CSGALNACT1: variants seen among roughly 807,000 people sequenced by gnomAD.
The protein encoded by CSGALNACT1 is chondroitin sulfate N-acetylgalactosaminyltransferase 1, also known as beta4GalNAcT-1.
Under a neutral mutation model 51.0 loss-of-function variants are expected in CSGALNACT1, and 52 were observed. That is an observed-to-expected ratio of 1.02 (90% confidence interval 0.82 to 1.29). CSGALNACT1 has a LOEUF of 1.29. Among genes scored for constraint, CSGALNACT1 ranks in the 50% most tolerant of loss-of-function variants. The pLI is 0.00. For missense variants in CSGALNACT1, 935 were observed against 679.2 expected, an observed-to-expected ratio of 1.38 and a Z score of -4.19; for synonymous variants, 341 against 254.4, an observed-to-expected ratio of 1.34 and a Z score of -3.24.
chr8:19,561,955 T>G (rs568928907), intron 3 of CSGALNACT1, among the ~76,000 whole-genome samples: 23 of 152,276 alleles, frequency 1.5e-4, no homozygotes, highest in African/African-American at 5.5e-4. Flanking sequence ...TTTCTCACCC[T>G]TGAACCTCTA....
At chr8:19,581,555 C>T (rs1256305377) in intron 3 of CSGALNACT1, among the ~76,000 whole-genome samples, 2 of 152,026 alleles carry the variant, frequency 1.3e-5, no homozygotes, top group Non-Finnish European at 2.9e-5. Context: ...TGCAGTGAGC[C>T]GAGATCGTGC....
chr8:19,481,911 T>C (rs1041829025), intron 4 of CSGALNACT1, among the ~76,000 whole-genome samples: 1 of 152,184 alleles, frequency 6.6e-6, no homozygotes, highest in African/African-American at 2.4e-5. Context: ...TACTTAGAAG[T>C]ACTCAAAATA....
At chr8:19,486,342 C>A (rs2072930862) in intron 4 of CSGALNACT1, among the ~76,000 whole-genome samples, 1 of 152,086 alleles carries the variant, frequency 6.6e-6, no homozygotes. Context: ...TTCTGCCCTA[C>A]CTCCCCAAGT....
At chr8:19,614,233 T>C (rs916587980) in intron 1 of CSGALNACT1, among the ~76,000 whole-genome samples, 1 of 152,234 alleles carries the variant, frequency 6.6e-6, no homozygotes, top group African/African-American at 2.4e-5. Context: ...AAAGTCATTA[T>C]TACAAATCTT....
At chr8:19,700,771 A>G (rs2061822245) in intron 1 of CSGALNACT1, among the ~76,000 whole-genome samples, 1 of 152,248 alleles carries the variant, frequency 6.6e-6, no homozygotes, top group South Asian at 2.1e-4. Context: ...AAAGGCAATC[A>G]ACCTCTATAA....
intron 3 of CSGALNACT1, among the ~76,000 whole-genome samples, chr8:19,546,593 C>G (rs537399459): frequency 6.6e-6 from 1 of 152,228 alleles, no homozygotes; most frequent in Non-Finnish European, 1.5e-5. Context: ...GGAATACCAT[C>G]TGATGCTGCA....
At chr8:19,748,373 C>T (rs1475883398) in intron 1 of CSGALNACT1, among the ~76,000 whole-genome samples, 3 of 152,032 alleles carry the variant, frequency 2.0e-5, no homozygotes, top group South Asian at 2.1e-4. Flanking sequence ...AGTAGGTATT[C>T]AAGATATATT....
At chr8:19,718,972 A>C (rs2062964903) in intron 1 of CSGALNACT1, among the ~76,000 whole-genome samples, 1 of 152,236 alleles carries the variant, frequency 6.6e-6, no homozygotes, top group African/African-American at 2.4e-5. Flanking sequence ...TAAAGAGTTA[A>C]GCTTCCCTTA....
chr8:19,428,763 G>A (rs73212530), intron 6 of CSGALNACT1, among the ~76,000 whole-genome samples: 1,759 of 152,014 alleles, frequency 0.012, 23 homozygotes, highest in Non-Finnish European at 0.015. Context: ...TGGCTCTGCA[G>A]AGGACACAAG....
At chr8:19,568,384 T>C (rs2042316377) in intron 3 of CSGALNACT1, among the ~76,000 whole-genome samples, 1 of 152,154 alleles carries the variant, frequency 6.6e-6, no homozygotes, top group East Asian at 1.9e-4. Context: ...TATTATAATC[T>C]TATGGGACCA....
At chr8:19,427,527 G>A (rs2058954630) in intron 6 of CSGALNACT1, among the ~76,000 whole-genome samples, 1 of 152,168 alleles carries the variant, frequency 6.6e-6, no homozygotes, top group Non-Finnish European at 1.5e-5. Context: ...GGTGGCTCAT[G>A]CTTGTAATCC....
chr8:19,574,972 T>G (rs1332631033), intron 3 of CSGALNACT1, among the ~76,000 whole-genome samples: 1 of 151,542 alleles, frequency 6.6e-6, no homozygotes, highest in Non-Finnish European at 1.5e-5. Flanking sequence ...GAAGTGGAGG[T>G]TGCAGTGAGG....
intron 5 of CSGALNACT1, among the ~76,000 whole-genome samples, chr8:19,451,614 G>A (rs561845643): frequency 6.6e-6 from 1 of 152,242 alleles, no homozygotes; most frequent in South Asian, 2.1e-4. Context: ...CAGTACGCCG[G>A]GTGAGCTGTT....
At chr8:19,525,755 A>G (rs1250228639) in intron 3 of CSGALNACT1, among the ~76,000 whole-genome samples, 2 of 150,848 alleles carry the variant, frequency 1.3e-5, no homozygotes, top group African/African-American at 4.9e-5. Flanking sequence ...AGCACATTTG[A>G]GGTACATGAA....
At chr8:19,723,067 A>G (rs143315612) in intron 1 of CSGALNACT1, among the ~76,000 whole-genome samples, 1 of 152,308 alleles carries the variant, frequency 6.6e-6, no homozygotes, top group African/African-American at 2.4e-5. Flanking sequence ...TTTTAGAGCA[A>G]GCCTCCTCTA....
At chr8:19,645,910 G>C (rs17128783) in intron 1 of CSGALNACT1, among the ~76,000 whole-genome samples, 1 of 151,986 alleles carries the variant, frequency 6.6e-6, no homozygotes, top group Non-Finnish European at 1.5e-5. Flanking sequence ...AAAAAAATGA[G>C]GATAAAAGGA....
At chr8:19,434,665 T>C (rs542962061) in intron 6 of CSGALNACT1, among the ~76,000 whole-genome samples, 8 of 152,330 alleles carry the variant, frequency 5.3e-5, no homozygotes, top group Admixed American at 2.0e-4. Context: ...GCAAAGCCTC[T>C]GGCAAATGCC....
At chr8:19,426,854 T>C (rs1042431788) in intron 6 of CSGALNACT1, among the ~76,000 whole-genome samples, 1 of 152,232 alleles carries the variant, frequency 6.6e-6, no homozygotes, top group Non-Finnish European at 1.5e-5. Flanking sequence ...TTTACTCTAA[T>C]ATAGACTTTT....
intron 3 of CSGALNACT1, among the ~76,000 whole-genome samples, chr8:19,584,930 G>T (rs938516948): frequency 6.6e-6 from 1 of 152,110 alleles, no homozygotes; most frequent in Non-Finnish European, 1.5e-5. Flanking sequence ...TGGGGCAGGG[G>T]GACCTCAAAG....
Sources: gnomAD v4.1 joint callset for allele counts (sites outside exome capture counted in the v4.1 genomes callset) on GRCh38, gnomAD v4.1.1 for gene constraint, MANE v1.5 for transcripts, NCBI Gene and HGNC (gene_info 2026-07-23, HGNC 2026-07-21) for gene names.